SORBS2: variants seen among roughly 807,000 people sequenced by gnomAD.
The protein encoded by SORBS2 is sorbin and SH3 domain containing 2.
A neutral mutation model predicts 97.7 loss-of-function variants in SORBS2; 46 were observed. The ratio of observed to expected loss-of-function variants is 0.47; its 90% CI spans 0.37 to 0.60. The LOEUF is 0.60. Among genes scored for constraint, SORBS2 ranks in the 20% least tolerant of loss-of-function variants. SORBS2 has a pLI of 0.00. For synonymous variants in SORBS2, 476 were observed against 473.4 expected (o/e 1.01, Z -0.07); for missense variants, 1,316 against 1,282.3 (o/e 1.03, Z -0.40).
chr4:185,660,548 G>A (rs893322595), upstream of SORBS2, among the ~76,000 whole-genome samples: 2 of 152,174 alleles, frequency 1.3e-5, no homozygotes, highest in African/African-American at 2.4e-5. Flanking sequence ...AATAAGTCCC[G>A]CGGCTACCTT....
intron 2 of SORBS2, among the ~76,000 whole-genome samples, chr4:185,681,141 C>T (rs879495713): frequency 6.6e-6 from 1 of 152,162 alleles, no homozygotes; most frequent in Non-Finnish European, 1.5e-5. Flanking sequence ...TGATTAAAGT[C>T]TGCCTTGAAG....
At chr4:185,676,852 A>T in intron 4 of SORBS2, 1 of 653,292 alleles carries the variant, frequency 1.5e-6, no homozygotes, top group Non-Finnish European at 2.6e-6. Flanking sequence ...GTAGGGTTTT[A>T]AATTGGAAAA....
intron 1 of SORBS2, among the ~76,000 whole-genome samples, chr4:185,922,969 C>A (rs2099261615): frequency 6.6e-6 from 1 of 152,194 alleles, no homozygotes; most frequent in African/African-American, 2.4e-5. Context: ...AAGTTAGATA[C>A]AAACCCTGAA....
chr4:185,637,799 G>A (rs1482823645), intron 4 of SORBS2, among the ~76,000 whole-genome samples: 3 of 152,024 alleles, frequency 2.0e-5, no homozygotes, highest in African/African-American at 4.8e-5. Context: ...ATAATTGTCT[G>A]AATATTCCAT....
chr4:185,892,575 A>G (rs2099243045), intron 1 of SORBS2, among the ~76,000 whole-genome samples: 1 of 152,240 alleles, frequency 6.6e-6, no homozygotes, highest in South Asian at 2.1e-4. Flanking sequence ...ATATCGCAGA[A>G]TATTATTTAA....
chr4:185,740,259 G>T (rs1378992126), intron 2 of SORBS2: 2 of 152,422 alleles, frequency 1.3e-5, no homozygotes, highest in East Asian at 3.9e-4. Flanking sequence ...CATCATACTT[G>T]GGCTTCGCCC....
At chr4:185,768,717 AAAC>A (rs1263639063) in intron 2 of SORBS2, among the ~76,000 whole-genome samples, 70 of 142,898 alleles carry the variant, frequency 4.9e-4, no homozygotes, top group African/African-American at 1.5e-3. Flanking sequence ...AAAAACAAAA[AAAC>A]AAAAAAAAAT....
chr4:185,954,205 AAG>A, intron 1 of SORBS2, among the ~76,000 whole-genome samples: 1 of 152,290 alleles, frequency 6.6e-6, no homozygotes, highest in Non-Finnish European at 1.5e-5. Flanking sequence ...GCCATTCATC[AAG>A]GTTGCTAATG....
chr4:185,818,741 G>T (rs1326799510), intron 1 of SORBS2, among the ~76,000 whole-genome samples: 2 of 151,704 alleles, frequency 1.3e-5, no homozygotes, highest in East Asian at 3.9e-4. Context: ...CAGGAGAATG[G>T]CATGAACCCA....
intron 4 of SORBS2, 119 bp downstream of exon 14, chr4:185,638,758 G>T: frequency 1.1e-6 from 1 of 911,760 alleles, no homozygotes; most frequent in Non-Finnish European, 1.5e-6. Flanking sequence ...GAAGATTCTG[G>T]GGCCTGGATG....
intron 12 of SORBS2, among the ~76,000 whole-genome samples, chr4:185,605,158 A>C (rs1435348250): frequency 6.6e-6 from 1 of 152,242 alleles, no homozygotes; most frequent in Non-Finnish European, 1.5e-5. Context: ...GAAATACAGG[A>C]ACTATGAAAG....
rs556774452 is a variant in SORBS2 at position 185,870,266 on chromosome 4, A to T, written c.-338+85930T>A. ...AAAAGTTGGGTTCCCTGCGTAGGGG[A>T]ATTGCAGAATTCGTGAAATCTTCAG... is the stretch of plus-strand genomic sequence containing the variant. On this transcript the variant is annotated intron_variant, in intron 1 of 20. Transcript: ENST00000284776. Among the ~76,000 whole-genome samples the T allele has an allele frequency of 2.5e-4, 38 of 152,266 alleles. No individual in the cohort carries two copies. The East Asian group carries it at 7.0e-3, about 28-fold the overall frequency.
Position 185,699,284 on chromosome 4 carries a change from C to CTTTTT in SORBS2, c.-197-20467_-197-20463dup, listed in dbSNP as rs11435144. ...AAAGTTTATCCAGAATGAAATGTAC[C>CTTTTT]TTTTTTTTTTTTTTTTTTTTGAGAC... On this transcript the variant is annotated intron_variant, in intron 2 of 20. Transcript: ENST00000284776. Among the ~76,000 whole-genome samples the CTTTTT allele has an allele frequency of 1.3e-3, 149 of 112,554 alleles. 2 individuals are homozygous for CTTTTT. The highest frequency in any genetic ancestry group is 1.7e-3 in the Non-Finnish European group (100 of 57,808). 73.8% of individuals were successfully genotyped at this position (112,554 alleles called of 152,430 possible).
chr4:185,945,124 A>C (rs559222014), intron 1 of SORBS2, among the ~76,000 whole-genome samples: 1 of 152,214 alleles, frequency 6.6e-6, no homozygotes, highest in Non-Finnish European at 1.5e-5. Flanking sequence ...TGGGCCCTGA[A>C]CATTAAGTAG....
At chr4:185,870,936 G>T (rs1251668295) in intron 1 of SORBS2, among the ~76,000 whole-genome samples, 1 of 152,160 alleles carries the variant, frequency 6.6e-6, no homozygotes, top group Non-Finnish European at 1.5e-5. Context: ...GATGGCATTG[G>T]TCACTCTCTT....
intron 11 of SORBS2, among the ~76,000 whole-genome samples, chr4:185,612,220 A>G (rs9312337): frequency 1 from 152,209 of 152,342 alleles, 76,038 homozygotes; most frequent in East Asian, 1. Context: ...AGGATGCCTG[A>G]TTAATGTGAA....
In SORBS2 at chr4:185,945,034, G is replaced by A. The variant is rs757412864; in HGVS notation, c.-338+11162C>T. ...CATGAGTGCTCTAGGAACTTTTGGA[G>A]CTTATGAATCACACTATGCAACGTG... On this transcript the variant is annotated intron_variant, in intron 1 of 20. Transcript: ENST00000284776. 1.1e-3 allele frequency among the ~76,000 whole-genome samples: 168 copies of A among 152,324 alleles called. 1 individual carries two copies. The highest frequency in any genetic ancestry group is 2.2e-3 in the Non-Finnish European group (149 of 68,032).
At chr4:185,703,368 C>A (rs2098293488) in intron 2 of SORBS2, among the ~76,000 whole-genome samples, 1 of 152,042 alleles carries the variant, frequency 6.6e-6, no homozygotes, top group African/African-American at 2.4e-5. Context: ...TTAGAATTTA[C>A]AGTAGAGGAG....
intron 12 of SORBS2, among the ~76,000 whole-genome samples, chr4:185,597,701 G>T (rs571980097): frequency 3.3e-5 from 5 of 152,092 alleles, no homozygotes; most frequent in Admixed American, 3.3e-4. Context: ...ACTGTCTTTC[G>T]CCCTTTCCCC....
Sources: allele counts gnomAD v4.1 joint callset (sites outside exome capture counted in the v4.1 genomes callset), GRCh38; gene constraint gnomAD v4.1.1; transcripts MANE v1.5; gene names NCBI Gene and HGNC (gene_info 2026-07-23, HGNC 2026-07-21).